Variants in ADARB2 observed in about 807,000 individuals in gnomAD.
ADARB2 encodes the protein adenosine deaminase RNA specific B2 (inactive).
ADARB2 carries 25 observed loss-of-function variants against 62.2 expected under a neutral mutation model. The observed-to-expected ratio is 0.40, with a 90% CI of 0.29 to 0.56. ADARB2 has a LOEUF of 0.56. ADARB2 is among the 20% of genes least tolerant of loss of function. ADARB2 has a pLI of 0.43. For missense variants in ADARB2, 1,071 were observed against 1,077.4 expected (o/e 0.99, Z 0.08); for synonymous variants, 572 against 500.8 (o/e 1.14, Z -1.90).
chr10:1,584,916 A>G (rs1357544674), intron 1 of ADARB2, among the ~76,000 whole-genome samples: 1 of 152,190 alleles, frequency 6.6e-6, no homozygotes, highest in East Asian at 1.9e-4. Context: ...ATTTGCAGAC[A>G]ATGAAAAGAT....
At chr10:1,497,415 A>C (rs1276687793) in intron 1 of ADARB2, among the ~76,000 whole-genome samples, 1 of 152,226 alleles carries the variant, frequency 6.6e-6, no homozygotes, top group Non-Finnish European at 1.5e-5. Flanking sequence ...TTTCTAAATA[A>C]GTTTGTGGAA....
At chr10:1,694,800 G>A (rs998847832) in intron 1 of ADARB2, among the ~76,000 whole-genome samples, 2 of 152,148 alleles carry the variant, frequency 1.3e-5, no homozygotes, top group Non-Finnish European at 2.9e-5. Flanking sequence ...GGGAGGGAGG[G>A]TTATGGGGTT....
intron 1 of ADARB2, among the ~76,000 whole-genome samples, chr10:1,379,755 G>A (rs1262963198): frequency 1.3e-5 from 2 of 152,168 alleles, no homozygotes; most frequent in African/African-American, 4.8e-5. Context: ...GCGGTGGCTG[G>A]AATTCCAGGG....
intron 1 of ADARB2, among the ~76,000 whole-genome samples, chr10:1,555,067 G>T (rs987838289): frequency 1.3e-4 from 20 of 152,104 alleles, no homozygotes; most frequent in Admixed American, 5.2e-4. Context: ...CATTCTTTTT[G>T]TATGGCTGCA....
chr10:1,574,340 G>T (rs533106049), intron 1 of ADARB2, among the ~76,000 whole-genome samples: 1 of 152,220 alleles, frequency 6.6e-6, no homozygotes, highest in African/African-American at 2.4e-5. Flanking sequence ...TTGAGAAACC[G>T]GTGCTGAAAG....
chr10:1,216,249 G>A (rs1404713845), intron 7 of ADARB2: 3 of 151,778 alleles, frequency 2.0e-5, no homozygotes, highest in Admixed American at 6.6e-5. Context: ...ACCGAGGTTG[G>A]GGGAGGTCTC....
intron 1 of ADARB2, among the ~76,000 whole-genome samples, chr10:1,657,286 T>C (rs1485313481): frequency 1.3e-5 from 2 of 152,254 alleles, no homozygotes; most frequent in South Asian, 2.1e-4. Flanking sequence ...CTTCTTGTAG[T>C]ACTGCAAATT....
At chr10:1,515,669 G>A (rs958082272) in intron 1 of ADARB2, among the ~76,000 whole-genome samples, 2 of 152,182 alleles carry the variant, frequency 1.3e-5, no homozygotes, top group Non-Finnish European at 2.9e-5. Context: ...CAGCTGTGCT[G>A]ACACCTGCCC....
chr10:1,494,617 C>CT (rs146079396), intron 1 of ADARB2, among the ~76,000 whole-genome samples: 26 of 151,342 alleles, frequency 1.7e-4, no homozygotes, highest in Non-Finnish European at 3.1e-4. Flanking sequence ...TTTAGCTCCA[C>CT]TTTTTTTTTG....
At chr10:1,322,564 A>G (rs1382755034) in intron 3 of ADARB2, among the ~76,000 whole-genome samples, 1 of 152,210 alleles carries the variant, frequency 6.6e-6, no homozygotes, top group Non-Finnish European at 1.5e-5. Flanking sequence ...GGAGAATACA[A>G]TATTAACAAA....
chr10:1,396,226 C>T (rs1391510833), intron 1 of ADARB2, among the ~76,000 whole-genome samples: 2 of 152,020 alleles, frequency 1.3e-5, no homozygotes, highest in African/African-American at 4.8e-5. Context: ...TTTGAGCCTC[C>T]CGACTCTTCT....
At chr10:1,386,481 T>TCA (rs1832526206) in intron 1 of ADARB2, among the ~76,000 whole-genome samples, 2 of 151,900 alleles carry the variant, frequency 1.3e-5, no homozygotes, top group East Asian at 3.8e-4. Context: ...AAAAGATACA[T>TCA]CATGTAAATG....
intron 3 of ADARB2, among the ~76,000 whole-genome samples, chr10:1,310,049 A>G (rs926192630): frequency 1.3e-5 from 2 of 152,060 alleles, no homozygotes; most frequent in African/African-American, 4.8e-5. Context: ...TCTATCCTTC[A>G]TTCTCCAATT....
intron 1 of ADARB2, among the ~76,000 whole-genome samples, chr10:1,680,109 C>T (rs1244867693): frequency 6.6e-6 from 1 of 151,944 alleles, no homozygotes. Flanking sequence ...GTGTAACCCG[C>T]CACTCATACA....
At chr10:1,377,123 G>A (rs1261302180) in intron 2 of ADARB2, among the ~76,000 whole-genome samples, 2 of 137,488 alleles carry the variant, frequency 1.5e-5, no homozygotes, top group Non-Finnish European at 3.1e-5. Flanking sequence ...GTGTGTGTGC[G>A]GTGCGTCCCT....
At chr10:1,483,959 A>T (rs962223869) in intron 1 of ADARB2, among the ~76,000 whole-genome samples, 1 of 152,158 alleles carries the variant, frequency 6.6e-6, no homozygotes, top group African/African-American at 2.4e-5. Context: ...TCAGCATCTC[A>T]TTTATTAACA....
At chr10:1,667,626 T>C (rs904041460) in intron 1 of ADARB2, among the ~76,000 whole-genome samples, 2 of 152,198 alleles carry the variant, frequency 1.3e-5, no homozygotes, top group African/African-American at 4.8e-5. Context: ...TGGAGGATGC[T>C]TGACAGTTTA....
chr10:1,289,537 C>T (rs536529525), intron 3 of ADARB2, among the ~76,000 whole-genome samples: 14 of 152,370 alleles, frequency 9.2e-5, no homozygotes, highest in Admixed American at 4.6e-4. Flanking sequence ...GAGTCTGCCA[C>T]GGCTGCTGGG....
At chr10:1,723,814 T>A (rs1835128611) in intron 1 of ADARB2, among the ~76,000 whole-genome samples, 1 of 152,194 alleles carries the variant, frequency 6.6e-6, no homozygotes, top group African/African-American at 2.4e-5. Context: ...GGGAACCTAA[T>A]CAGAGGTTAG....
Sources: gnomAD v4.1 joint callset for allele counts (sites outside exome capture counted in the v4.1 genomes callset) on GRCh38, gnomAD v4.1.1 for gene constraint, MANE v1.5 for transcripts, NCBI Gene and HGNC (gene_info 2026-07-23, HGNC 2026-07-21) for gene names.